Variants in ADGRB3 observed in about 807,000 individuals in gnomAD.
ADGRB3 encodes the protein adhesion G protein-coupled receptor B3.
A neutral mutation model predicts 193.4 loss-of-function variants in ADGRB3; 37 were observed. The observed-to-expected ratio is 0.19, with a 90% CI of 0.15 to 0.25. The LOEUF (loss-of-function observed/expected upper bound fraction) is 0.25. Among genes scored for constraint, ADGRB3 ranks in the 10% least tolerant of loss-of-function variants. The pLI, the probability that ADGRB3 is intolerant of heterozygous loss-of-function variation, is 1.00. For synonymous variants in ADGRB3, 690 were observed against 644.2 expected (o/e 1.07, Z -1.08); for missense variants, 1,637 against 1,852.9 (o/e 0.88, Z 2.14).
In ADGRB3 at chr6:69,347,624, T is replaced by A. The variant is rs191865118; in HGVS notation, c.3460-6609T>A. ...AGACCCACATCTCTACAAAAAAAAA[T>A]TTAAAAAACATTTAGCCAGGTGTGG... On this transcript the variant is annotated intron_variant, in intron 26 of 31. Coordinates refer to ENST00000370598, the MANE Select transcript of ADGRB3 (RefSeq NM_001704.3). 3.6e-3 allele frequency among the ~76,000 whole-genome samples: 541 copies of A among 151,700 alleles called. 20 individuals carry two copies. In the East Asian group the frequency reaches 0.085, roughly 24 times the overall value.
At chr6:68,904,892 A>C (rs536149339) in intron 3 of ADGRB3, among the ~76,000 whole-genome samples, 3 of 152,166 alleles carry the variant, frequency 2.0e-5, no homozygotes, top group Non-Finnish European at 4.4e-5. Flanking sequence ...TATGATTTTC[A>C]TCACTTCAGT....
intron 26 of ADGRB3, among the ~76,000 whole-genome samples, chr6:69,347,331 A>C (rs570557282): frequency 6.6e-6 from 1 of 152,240 alleles, no homozygotes; most frequent in African/African-American, 2.4e-5. Context: ...CGTTCTGCAC[A>C]GTTATCCCAA....
chr6:69,343,024 A>G (rs903929830), intron 26 of ADGRB3, among the ~76,000 whole-genome samples: 2 of 149,758 alleles, frequency 1.3e-5, no homozygotes, highest in Non-Finnish European at 3.0e-5. Context: ...ATTTCTGTGG[A>G]GGAGGTGGAT....
intron 17 of ADGRB3, among the ~76,000 whole-genome samples, chr6:69,164,114 C>T (rs567171055): frequency 6.6e-6 from 1 of 152,016 alleles, no homozygotes; most frequent in Non-Finnish European, 1.5e-5. Context: ...AAAGGAGTCA[C>T]CCTTCTCTTC....
At chr6:69,145,543 C>T (rs527273025) in intron 17 of ADGRB3, among the ~76,000 whole-genome samples, 1 of 152,300 alleles carries the variant, frequency 6.6e-6, no homozygotes, top group African/African-American at 2.4e-5. Flanking sequence ...CGTGTTTCAG[C>T]TCCTTTTGTG....
chr6:68,897,878 AAG>A (rs1766283290), intron 3 of ADGRB3, among the ~76,000 whole-genome samples: 1 of 149,466 alleles, frequency 6.7e-6, no homozygotes, highest in Non-Finnish European at 1.5e-5. Flanking sequence ...GAAAGAAAGA[AAG>A]AAAGAAAAAA....
intron 20 of ADGRB3, among the ~76,000 whole-genome samples, chr6:69,315,966 C>A (rs1323958047): frequency 6.6e-6 from 1 of 151,184 alleles, no homozygotes. Flanking sequence ...TGAAGTGCTT[C>A]GCTTCAGTAT....
At chr6:69,329,444 G>A (rs1768661216) in intron 22 of ADGRB3, among the ~76,000 whole-genome samples, 1 of 151,970 alleles carries the variant, frequency 6.6e-6, no homozygotes, top group African/African-American at 2.4e-5. Flanking sequence ...TACATACTAG[G>A]TAAATATGTT....
chr6:68,729,526 C>T (rs904609033), intron 3 of ADGRB3, among the ~76,000 whole-genome samples: 15 of 151,602 alleles, frequency 9.9e-5, no homozygotes, highest in Middle Eastern at 3.4e-3. Flanking sequence ...AGAGATTTCT[C>T]TTGCCCCATA....
At chr6:68,887,383 T>C (rs1031273730) in intron 3 of ADGRB3, among the ~76,000 whole-genome samples, 2 of 152,114 alleles carry the variant, frequency 1.3e-5, no homozygotes, top group Admixed American at 1.3e-4. Flanking sequence ...AGGTAAACAT[T>C]ATTTTATGTG....
In ADGRB3 at chr6:69,364,381, C is replaced by T. The variant is rs571963422; in HGVS notation, c.4239+2869C>T. On this transcript the variant is annotated intron_variant, in intron 29 of 31. Transcript: ENST00000370598. ...AGTATTTATTCAAATAAGCAAGAAG[C>T]AACAAAGAAAGAAGGAGGCTCCCCA... is the stretch of plus-strand genomic sequence containing the variant. 8.5e-5 allele frequency among the ~76,000 whole-genome samples: 13 copies of T among 152,092 alleles called. No homozygotes were observed. In the South Asian group the frequency reaches 2.3e-3, roughly 27 times the overall value.
At chr6:69,114,419 G>A (rs1165203031) in intron 17 of ADGRB3, among the ~76,000 whole-genome samples, 1 of 152,136 alleles carries the variant, frequency 6.6e-6, no homozygotes, top group African/African-American at 2.4e-5. Flanking sequence ...TCCTTTGTCA[G>A]ATGGATAGAT....
intron 3 of ADGRB3, among the ~76,000 whole-genome samples, chr6:68,791,740 T>C (rs182158264): frequency 5.1e-4 from 78 of 152,338 alleles, no homozygotes; most frequent in Admixed American, 9.2e-4. Context: ...GAGATGTTGA[T>C]GAGCAAGGTA....
chr6:69,081,269 GAAAATACTA>G (rs1364050517), intron 17 of ADGRB3, among the ~76,000 whole-genome samples: 4 of 151,778 alleles, frequency 2.6e-5, no homozygotes, highest in African/African-American at 9.7e-5. Context: ...TGAAAATACT[GAAAATACTA>G]GACCTTTACA....
At chr6:68,845,142 T>C (rs1272228820) in intron 3 of ADGRB3, among the ~76,000 whole-genome samples, 1 of 152,226 alleles carries the variant, frequency 6.6e-6, no homozygotes, top group Non-Finnish European at 1.5e-5. Flanking sequence ...GGTTAAATAC[T>C]TGAGGTAAAT....
chr6:68,829,111 TTTTTTTG>T, intron 3 of ADGRB3, among the ~76,000 whole-genome samples: 2 of 143,442 alleles, frequency 1.4e-5, no homozygotes, highest in Admixed American at 1.4e-4. Flanking sequence ...TTTTTTTTTT[TTTTTTTG>T]AGATGGTGTC....
intron 5 of ADGRB3, 30 bp from the exon 6 acceptor site, chr6:68,943,800 T>A: frequency 6.5e-7 from 1 of 1,547,054 alleles, no homozygotes; most frequent in Non-Finnish European, 8.8e-7. Flanking sequence ...GCTCTGCTTT[T>A]GTTGTTGAAG....
chr6:69,203,167 C>T (rs1765466994), intron 17 of ADGRB3, among the ~76,000 whole-genome samples: 1 of 152,080 alleles, frequency 6.6e-6, no homozygotes, highest in South Asian at 2.1e-4. Flanking sequence ...TTGAAATTAG[C>T]ACAGCATAAT....
intron 20 of ADGRB3, among the ~76,000 whole-genome samples, chr6:69,259,352 T>C (rs1368422322): frequency 2.0e-5 from 3 of 152,104 alleles, no homozygotes; most frequent in Non-Finnish European, 4.4e-5. Context: ...TTCTTTAATA[T>C]TTTCTCCCGT....
Sources: allele counts gnomAD v4.1 joint callset (sites outside exome capture counted in the v4.1 genomes callset), GRCh38; gene constraint gnomAD v4.1.1; transcripts MANE v1.5; gene names NCBI Gene and HGNC (gene_info 2026-07-23, HGNC 2026-07-21).